The following EXOC6 variants were observed in gnomAD, a reference collection of about 807,000 sequenced individuals.
EXOC6 encodes exocyst complex component 6, also known as SEC15-like 1.
EXOC6 carries 60 observed loss-of-function variants against 112.5 expected under a neutral mutation model. That is an observed-to-expected ratio of 0.53 (90% confidence interval 0.43 to 0.66). The LOEUF (loss-of-function observed/expected upper bound fraction) is 0.66, where lower values mean the gene tolerates loss of function less well. Ranked by LOEUF, EXOC6 falls within the 30% of genes least tolerant of loss-of-function variation. EXOC6 has a pLI of 0.00. For synonymous variants in EXOC6, 295 were observed against 308.0 expected (o/e 0.96, Z 0.44); for missense variants, 855 against 957.1 (o/e 0.89, Z 1.41).
chr10:93,006,538 C>G, intron 19 of EXOC6, among the ~76,000 whole-genome samples: 1 of 152,142 alleles, frequency 6.6e-6, no homozygotes, highest in East Asian at 1.9e-4. Context: ...AGGTTTGCAT[C>G]CCACTGTTGC....
chr10:92,975,399 C>T (rs1288288578), intron 18 of EXOC6, among the ~76,000 whole-genome samples: 6 of 148,500 alleles, frequency 4.0e-5, no homozygotes, highest in South Asian at 2.2e-4. Flanking sequence ...GTGAGGAGCC[C>T]CTCCGCCCGG....
intron 20 of EXOC6, 137 bp downstream of exon 20, chr10:93,014,404 C>CTATG: frequency 1.5e-6 from 1 of 672,600 alleles, no homozygotes. Context: ...TCCTTGGTAA[C>CTATG]TATGTATTTG....
chr10:92,829,962 A>C (rs946823043), upstream of EXOC6, among the ~76,000 whole-genome samples: 10 of 152,222 alleles, frequency 6.6e-5, no homozygotes, highest in Admixed American at 6.5e-5. Flanking sequence ...TGGTCTAAAA[A>C]GGGGAGGAAC....
At position 92,934,339 on chromosome 10, in the gene EXOC6, A is replaced by G. The variant is rs910683605; in HGVS notation, c.1049A>G (p.His350Arg). 3 of 1,594,098 alleles carry G rather than the reference A, an allele frequency of 1.9e-6. No individual in the cohort carries two copies. The African/African-American group carries it at 4.1e-5, about 22-fold the overall frequency. The change falls in exon 11 of 22, where the codon CAT (histidine) becomes CGT (arginine). Residue 350 changes from histidine (H) to arginine (R), a missense_variant. By Grantham distance (29) the His-to-Arg change is conservative (BLOSUM62 0). Transcript: ENST00000260762. ...GFFVVEDHILHVTQGLVTRAY... is the reference protein window; with the variant it reads ...GFFVVEDHILRVTQGLVTRAY... ...TTTGTGGTAGAAGATCACATTTTAC[A>G]TGTGACCCAAGGATTAGTAACCAGG...
intron 19 of EXOC6, among the ~76,000 whole-genome samples, chr10:93,001,681 T>C (rs1451876938): frequency 6.6e-6 from 1 of 152,156 alleles, no homozygotes; most frequent in African/African-American, 2.4e-5. Flanking sequence ...GATTTAGCTC[T>C]CTCCTTCCCA....
Position 92,954,637 on chromosome 10 carries a change from G to T in EXOC6, c.1534G>T (p.Glu512Ter). The change falls in exon 16 of 22, where the codon GAA becomes TAA. Residue 512 changes from glutamate (E) to a stop codon, truncating the protein, a stop_gained. Transcript: ENST00000260762. LOFTEE classifies it high-confidence loss of function. ...FSESLHRSST[E>*]IDDMLRKSTN... ...ATCAATCTTTGTTTTTAGCTCAACA[G>T]AAATAGACGATATGCTTAGAAAATC... is the stretch of plus-strand genomic sequence containing the variant. The T allele has an allele frequency of 6.3e-7, 1 of 1,575,398 alleles. No homozygotes were observed. Among genetic ancestry groups the T allele is most frequent in the Non-Finnish European group, 8.7e-7 (1 of 1,148,922 alleles).
At chr10:92,933,758 T>C (rs1304928413) in intron 9 of EXOC6, among the ~76,000 whole-genome samples, 4 of 152,108 alleles carry the variant, frequency 2.6e-5, no homozygotes, top group African/African-American at 9.7e-5. Context: ...TTGAAAAATA[T>C]CATTCTGGCA....
intron 20 of EXOC6, among the ~76,000 whole-genome samples, chr10:93,030,808 T>G (rs538821260): frequency 3.4e-4 from 52 of 152,330 alleles, no homozygotes; most frequent in Non-Finnish European, 6.5e-4. Flanking sequence ...TCAAGATAGG[T>G]TCTGTGTTTT....
upstream of EXOC6, among the ~76,000 whole-genome samples, chr10:92,844,582 G>GT (rs1846984980): frequency 4.6e-5 from 7 of 152,062 alleles, no homozygotes; most frequent in South Asian, 1.5e-3. Flanking sequence ...TACACAATCA[G>GT]GTTTTTTTTT....
chr10:92,859,913 C>A (rs1847825498), intron 1 of EXOC6, among the ~76,000 whole-genome samples: 1 of 151,514 alleles, frequency 6.6e-6, no homozygotes, highest in Non-Finnish European at 1.5e-5. Flanking sequence ...TGCTTCTCAT[C>A]TGTAGACAAG....
intron 5 of EXOC6, chr10:92,900,091 G>A (rs1850074314): frequency 6.5e-6 from 1 of 154,496 alleles, no homozygotes; most frequent in Admixed American, 6.5e-5. Context: ...TTTATTGATT[G>A]CCATAGGAGC....
intron 16 of EXOC6, among the ~76,000 whole-genome samples, chr10:92,955,355 G>T (rs1191415109): frequency 6.6e-6 from 1 of 150,828 alleles, no homozygotes. Context: ...AAAATAACTG[G>T]TATTTAGACT....
intron 18 of EXOC6, 89 bp downstream of exon 18, chr10:92,974,321 A>G (rs1842411883): frequency 1.3e-6 from 1 of 764,960 alleles, no homozygotes; most frequent in Non-Finnish European, 1.9e-6. Flanking sequence ...GCTTAAACCA[A>G]CTTCTTGGAG....
chr10:92,975,621 G>A (rs1223178110), intron 18 of EXOC6, among the ~76,000 whole-genome samples: 50 of 136,822 alleles, frequency 3.7e-4, no homozygotes, highest in Middle Eastern at 4.7e-3. Flanking sequence ...AGGTTGGGGG[G>A]TCAGCCCCCT....
Position 92,948,322 on chromosome 10 carries a change from A to G in EXOC6, c.1359A>G (p.Glu453=). The change falls in exon 14 of 22, where the codon GAA becomes GAG. Residue 453 remains glutamate (E), a synonymous_variant. Transcript: ENST00000260762. ...DNYSPIPVVN[E]EEYKIVISKF... ...ACAGCCCCATCCCTGTTGTCAATGA[A>G]GAAGAATATAAAATTGTCATCAGCA... 6.2e-7 allele frequency: 1 copy of G among 1,610,890 alleles called. No individual in the cohort carries two copies. The highest frequency in any genetic ancestry group is 1.7e-4 in the Middle Eastern group (1 of 6,042).
At chr10:92,834,483 C>T (rs903182503), upstream of EXOC6, among the ~76,000 whole-genome samples, 9 of 152,100 alleles carry the variant, frequency 5.9e-5, no homozygotes, top group South Asian at 2.1e-4. Flanking sequence ...AGGAACTTTC[C>T]GAACTGTGTC....
At chr10:92,839,404 T>A (rs1846764782) in intron 1 of EXOC6, among the ~76,000 whole-genome samples, 1 of 152,184 alleles carries the variant, frequency 6.6e-6, no homozygotes, top group Non-Finnish European at 1.5e-5. Flanking sequence ...ATTATCAAAT[T>A]CCTTGCACAA....
intron 18 of EXOC6, chr10:92,987,467 A>G (rs1050586113): frequency 2.9e-5 from 5 of 175,332 alleles, no homozygotes; most frequent in Non-Finnish European, 5.6e-5. Context: ...TATGTGATAG[A>G]TGAATGCCTC....
intron 14 of EXOC6, among the ~76,000 whole-genome samples, chr10:92,951,519 AC>A (rs2134007131): frequency 6.6e-6 from 1 of 152,300 alleles, no homozygotes; most frequent in Non-Finnish European, 1.5e-5. Flanking sequence ...ACTGGATTGA[AC>A]AACTGTGAGA....
Sources: allele counts gnomAD v4.1 joint callset (sites outside exome capture counted in the v4.1 genomes callset), GRCh38; gene constraint gnomAD v4.1.1; transcripts MANE v1.5; gene names NCBI Gene and HGNC (gene_info 2026-07-23, HGNC 2026-07-21).